FARS2: variants seen among roughly 807,000 people sequenced by gnomAD.
FARS2 encodes phenylalanine--tRNA ligase, mitochondrial.
Under a neutral mutation model 46.4 loss-of-function variants are expected in FARS2, and 40 were observed. That is an observed-to-expected ratio of 0.86 (90% CI 0.67 to 1.12). The LOEUF (loss-of-function observed/expected upper bound fraction) is 1.12. Among genes scored for constraint, FARS2 ranks in the 50% most tolerant of loss-of-function variants. FARS2 has a pLI of 0.00. For synonymous variants in FARS2, 234 were observed against 214.9 expected (o/e 1.09, Z -0.78); for missense variants, 513 against 567.9 (o/e 0.90, Z 0.98).
intron 5 of FARS2, chr6:5,609,122 A>G (rs1298819338): frequency 2.8e-5 from 19 of 680,028 alleles, no homozygotes; most frequent in Admixed American, 4.1e-5. Flanking sequence ...TGTAGCAGCT[A>G]GGCCCTGCCA....
At chr6:5,346,632 T>C (rs1757246558) in intron 1 of FARS2, among the ~76,000 whole-genome samples, 1 of 152,154 alleles carries the variant, frequency 6.6e-6, no homozygotes, top group Non-Finnish European at 1.5e-5. Context: ...ACAGGAAAAG[T>C]TGAAAAAATT....
At chr6:5,714,009 G>A (rs1040695642) in intron 6 of FARS2, among the ~76,000 whole-genome samples, 4 of 152,232 alleles carry the variant, frequency 2.6e-5, no homozygotes, top group Admixed American at 1.3e-4. Flanking sequence ...AAGCAAACTT[G>A]AAGGGGAGAA....
At chr6:5,473,626 A>C (rs1296434952) in intron 4 of FARS2, among the ~76,000 whole-genome samples, 1 of 151,796 alleles carries the variant, frequency 6.6e-6, no homozygotes, top group Middle Eastern at 3.5e-3. Context: ...AATTATATTT[A>C]CATACATTGT....
intron 6 of FARS2, among the ~76,000 whole-genome samples, chr6:5,617,080 G>C (rs769994192): frequency 2.0e-5 from 3 of 151,942 alleles, no homozygotes; most frequent in Non-Finnish European, 2.9e-5. Context: ...TTGGGGTCCT[G>C]TGGACCCAGG....
At chr6:5,444,350 C>T (rs1004170405) in intron 4 of FARS2, among the ~76,000 whole-genome samples, 3 of 151,080 alleles carry the variant, frequency 2.0e-5, no homozygotes, top group African/African-American at 7.3e-5. Flanking sequence ...GCCTGTAATC[C>T]CAGCTACTTG....
At chr6:5,609,980 C>G in intron 5 of FARS2, 1 of 1,232,028 alleles carries the variant, frequency 8.1e-7, no homozygotes, top group Non-Finnish European at 1.2e-6. Flanking sequence ...TGTGGCCTTG[C>G]ATTCGTGGCT....
At chr6:5,688,249 TG>T (rs1561801265) in intron 6 of FARS2, among the ~76,000 whole-genome samples, 1 of 152,052 alleles carries the variant, frequency 6.6e-6, no homozygotes, top group Non-Finnish European at 1.5e-5. Context: ...TGAATAGGAG[TG>T]GTGGGAGAGG....
the FARS2 span, among the ~76,000 whole-genome samples, chr6:5,255,671 T>C: frequency 2.0e-5 from 3 of 152,120 alleles, no homozygotes; most frequent in Non-Finnish European, 4.4e-5. Context: ...TGATGTTCCC[T>C]AGAATAGCAT....
intron 6 of FARS2, among the ~76,000 whole-genome samples, chr6:5,659,324 C>G (rs1354783249): frequency 6.6e-6 from 1 of 152,132 alleles, no homozygotes; most frequent in East Asian, 1.9e-4. Flanking sequence ...TTAGTCTAGA[C>G]TTTGATTCGT....
At chr6:5,757,196 T>C (rs1395175367) in intron 6 of FARS2, among the ~76,000 whole-genome samples, 1 of 151,652 alleles carries the variant, frequency 6.6e-6, no homozygotes, top group Non-Finnish European at 1.5e-5. Flanking sequence ...AGTAAGAAAA[T>C]ACCAAGAAGA....
rs143867485 is a variant in FARS2 at position 5,584,108 on chromosome 6, GACACAC to G, written c.1066-29032_1066-29027del. On this transcript the variant is annotated intron_variant, in intron 5 of 6. Coordinates refer to ENST00000274680, the MANE Select transcript of FARS2 (RefSeq NM_006567.5). Reference sequence around the variant, plus strand: ...ACATTCTCTCTCTCTTTCTCTCTCTGACACACACACACACACACACACACACACACA... The same window carrying G: ...ACATTCTCTCTCTCTTTCTCTCTCTGACACACACACACACACACACACACA... Among the ~76,000 whole-genome samples the G allele has an allele frequency of 1.5e-4, 19 of 122,940 alleles. No homozygotes were observed. The East Asian group carries it at 4.2e-3, about 27-fold the overall frequency. 80.7% of individuals were successfully genotyped at this position (122,940 alleles called of 152,430 possible). A position where few individuals can be genotyped will look rare whatever the true frequency, so the allele number is the denominator to read the frequency against.
intron 5 of FARS2, among the ~76,000 whole-genome samples, chr6:5,546,296 G>T (rs529682152): frequency 7.3e-6 from 1 of 137,158 alleles, no homozygotes; most frequent in Non-Finnish European, 1.5e-5. Context: ...TCACTCTGTC[G>T]CCTGGGCTGG....
At chr6:5,423,887 C>T (rs1319368808) in intron 3 of FARS2, among the ~76,000 whole-genome samples, 1 of 152,038 alleles carries the variant, frequency 6.6e-6, no homozygotes, top group East Asian at 1.9e-4. Flanking sequence ...CTTCATGCTG[C>T]GTGTGAGGTG....
At chr6:5,327,442 G>A (rs1030897355) in intron 1 of FARS2, among the ~76,000 whole-genome samples, 1 of 152,156 alleles carries the variant, frequency 6.6e-6, no homozygotes, top group Non-Finnish European at 1.5e-5. Context: ...GACCTGGTGG[G>A]AGGTAATTGA....
intron 5 of FARS2, chr6:5,609,290 T>C (rs1393409062): frequency 2.8e-6 from 3 of 1,088,620 alleles, no homozygotes; most frequent in African/African-American, 3.0e-5. Context: ...CACCTTGGTT[T>C]CATGGTTTGG....
chr6:5,459,616 G>C lies in FARS2; in HGVS notation c.904+28444G>C, dbSNP rs76240032. ...AGCACTTTGGCCTTAGAATGATGCA[G>C]AGACTCCATGTCACTGCCTGTTCCT... is the stretch of plus-strand genomic sequence containing the variant. On this transcript the variant is annotated intron_variant, in intron 4 of 6. Coordinates refer to ENST00000274680, the MANE Select transcript of FARS2 (RefSeq NM_006567.5). Among the ~76,000 whole-genome samples, 588 of 152,192 alleles carry C rather than the reference G, an allele frequency of 3.9e-3. 7 individuals carry two copies. Among genetic ancestry groups the C allele is most frequent in the East Asian group, 0.018 (93 of 5,162 alleles).
At chr6:5,300,376 C>A (rs1768212016) in intron 1 of FARS2, among the ~76,000 whole-genome samples, 1 of 152,182 alleles carries the variant, frequency 6.6e-6, no homozygotes, top group Non-Finnish European at 1.5e-5. Flanking sequence ...AGTGGAAATT[C>A]TTCCTGACCT....
chr6:5,697,395 C>G (rs1211048334), intron 6 of FARS2, among the ~76,000 whole-genome samples: 1 of 152,136 alleles, frequency 6.6e-6, no homozygotes, highest in Non-Finnish European at 1.5e-5. Context: ...AAGATAGAGT[C>G]ACATCCACCA....
intron 1 of FARS2, among the ~76,000 whole-genome samples, chr6:5,344,846 T>C (rs1340442202): frequency 6.6e-6 from 1 of 151,262 alleles, no homozygotes; most frequent in Non-Finnish European, 1.5e-5. Flanking sequence ...TGGAGTGCAG[T>C]GGTGTGGTTT....
Sources: gnomAD v4.1 joint callset for allele counts (sites outside exome capture counted in the v4.1 genomes callset) on GRCh38, gnomAD v4.1.1 for gene constraint, MANE v1.5 for transcripts, NCBI Gene and HGNC (gene_info 2026-07-23, HGNC 2026-07-21) for gene names.